Variants in MACF1 observed in about 807,000 individuals in gnomAD.
The protein encoded by MACF1 is microtubule-actin cross-linking factor 1.
A neutral mutation model predicts 854.8 loss-of-function variants in MACF1; 193 were observed. The ratio of observed to expected loss-of-function variants is 0.23; its 90% CI spans 0.20 to 0.25. MACF1 has a LOEUF of 0.25. Ranked by LOEUF, MACF1 falls within the 10% of genes least tolerant of loss-of-function variation. The pLI, the probability that MACF1 is intolerant of heterozygous loss-of-function variation, is 1.00. For missense variants in MACF1, 7,722 were observed against 8,929.1 expected (o/e 0.86, Z 5.45); for synonymous variants, 3,185 against 3,226.7 (o/e 0.99, Z 0.44).
rs202118871 is a variant in MACF1, at chr1:39,322,928, C to T, written c.4156C>T (p.Arg1386Cys). Reference protein sequence around the residue: ...ITQEFMDLRTRYTALVTLTTQ... With the variant: ...ITQEFMDLRTCYTALVTLTTQ... ...ACCACAGTTCATGGACTTAAGGACT[C>T]GCTACACGGCATTGGTGACTTTAAC... is the stretch of plus-strand genomic sequence containing the variant. The change falls in exon 33 of 101, where the codon CGC (arginine) becomes TGC (cysteine). Residue 1386 changes from arginine to cysteine, a missense_variant. Arg to Cys is a radical substitution (Grantham distance 180). Transcript: ENST00000564288. The T allele has an allele frequency of 8.1e-6, 13 of 1,613,896 alleles. No homozygotes were observed. Among genetic ancestry groups the T allele is most frequent in the Middle Eastern group, 1.6e-4 (1 of 6,084 alleles).
chr1:39,360,312 T>A (rs1247015560), intron 47 of MACF1, among the ~76,000 whole-genome samples: 1 of 151,732 alleles, frequency 6.6e-6, no homozygotes, highest in Admixed American at 6.6e-5. Context: ...AAGATTTGAT[T>A]TTTATCATTA....
chr1:39,382,647 T>C (rs2148559187), intron 56 of MACF1, among the ~76,000 whole-genome samples: 1 of 150,456 alleles, frequency 6.6e-6, no homozygotes, highest in East Asian at 2.1e-4. Context: ...GAGGTTGCAG[T>C]GTCCTGTCCG....
intron 1 of MACF1, among the ~76,000 whole-genome samples, chr1:39,226,961 T>C (rs1571196160): frequency 6.6e-6 from 1 of 152,226 alleles, no homozygotes; most frequent in African/African-American, 2.4e-5. Flanking sequence ...GGGCCTGATA[T>C]CGTGTGAAAA....
chr1:39,221,535 G>A (rs961950420), intron 1 of MACF1, among the ~76,000 whole-genome samples: 3 of 152,022 alleles, frequency 2.0e-5, no homozygotes, highest in Non-Finnish European at 2.9e-5. Flanking sequence ...TCACCAAATC[G>A]GTAACCTCTT....
intron 2 of MACF1, among the ~76,000 whole-genome samples, chr1:39,109,534 C>G (rs1642338840): frequency 6.6e-6 from 1 of 152,098 alleles, no homozygotes; most frequent in African/African-American, 2.4e-5. Flanking sequence ...CTCAGCCTCC[C>G]AAAGTGCTGG....
At chr1:39,437,691 G>T (rs1644011566) in intron 70 of MACF1, 86 bp from the exon 71 acceptor site, 2 of 1,037,462 alleles carry the variant, frequency 1.9e-6, no homozygotes, top group Non-Finnish European at 1.5e-6. Context: ...ACAGTAGTAG[G>T]ATAATATCTT....
chr1:39,120,870 G>A (rs1025382312), intron 2 of MACF1: 3 of 152,188 alleles, frequency 2.0e-5, no homozygotes, highest in Non-Finnish European at 4.4e-5. Flanking sequence ...AAAATGTATA[G>A]TTAAGTTATT....
chr1:39,293,117 C>T (rs1645829850), intron 17 of MACF1, among the ~76,000 whole-genome samples: 1 of 152,192 alleles, frequency 6.6e-6, no homozygotes, highest in Non-Finnish European at 1.5e-5. Context: ...TGCTTTGAGA[C>T]ACCAAAACTA....
At chr1:39,292,148 T>A in intron 16 of MACF1, 110 bp downstream of exon 16, 2 of 1,284,144 alleles carry the variant, frequency 1.6e-6, no homozygotes, top group Non-Finnish European at 2.1e-6. Context: ...TGGAAAAGAA[T>A]AATGATGATG....
intron 1 of MACF1, among the ~76,000 whole-genome samples, chr1:39,213,262 T>C (rs1644537313): frequency 6.6e-6 from 1 of 152,252 alleles, no homozygotes; most frequent in East Asian, 1.9e-4. Context: ...GCTTAGGTTA[T>C]TGAGTACCTT....
chr1:39,368,456 C>T, intron 50 of MACF1, 142 bp downstream of exon 50: 1 of 793,020 alleles, frequency 1.3e-6, no homozygotes, highest in Non-Finnish European at 1.9e-6. Context: ...GTGAAAAGTG[C>T]CTTTTTTTAG....
At chr1:39,085,710 C>T (rs572837167) in intron 2 of MACF1, among the ~76,000 whole-genome samples, 272 of 152,236 alleles carry the variant, frequency 1.8e-3, no homozygotes, top group Middle Eastern at 0.01. Context: ...TTCTATTACT[C>T]GGCTGCTTAA....
At chr1:39,463,385 G>A (rs1644596101) in intron 93 of MACF1, among the ~76,000 whole-genome samples, 1 of 151,734 alleles carries the variant, frequency 6.6e-6, no homozygotes, top group Non-Finnish European at 1.5e-5. Context: ...AGCCACTTGG[G>A]GGGCTGAGGT....
intron 88 of MACF1, 142 bp downstream of exon 88, chr1:39,453,992 CTG>C (rs1644387052): frequency 9.4e-7 from 1 of 1,068,850 alleles, no homozygotes; most frequent in African/African-American, 1.6e-5. Flanking sequence ...TTAGTAAAGA[CTG>C]TTTTCTTGGT....
At chr1:39,477,010 TTAGA>T (rs1644897294) in intron 97 of MACF1, among the ~76,000 whole-genome samples, 1 of 112,998 alleles carries the variant, frequency 8.8e-6, no homozygotes, top group African/African-American at 3.2e-5. Context: ...GTTCTCCCTC[TTAGA>T]TATATATACA....
chr1:39,268,781 G>C (rs948525288), intron 6 of MACF1: 12 of 1,289,584 alleles, frequency 9.3e-6, no homozygotes, highest in Admixed American at 9.2e-5. Flanking sequence ...CTAAGAAAAG[G>C]GTTCGGTTCA....
intron 58 of MACF1, among the ~76,000 whole-genome samples, chr1:39,399,817 A>G (rs1642408363): frequency 6.6e-6 from 1 of 152,168 alleles, no homozygotes; most frequent in Non-Finnish European, 1.5e-5. Flanking sequence ...CCCTCAGTTA[A>G]TTCACTTTTG....
chr1:39,362,037 C>T (rs1311928391), intron 49 of MACF1, among the ~76,000 whole-genome samples: 1 of 152,156 alleles, frequency 6.6e-6, no homozygotes, highest in Admixed American at 6.5e-5. Flanking sequence ...TTAGTCAAAG[C>T]ACTTTCCACA....
intron 2 of MACF1, among the ~76,000 whole-genome samples, chr1:39,180,781 T>C (rs1375884963): frequency 1.3e-5 from 2 of 152,274 alleles, no homozygotes; most frequent in African/African-American, 4.8e-5. Context: ...GGGCCTTTGC[T>C]GTTCCTCTCA....
Sources: allele counts gnomAD v4.1 joint callset (sites outside exome capture counted in the v4.1 genomes callset), GRCh38; gene constraint gnomAD v4.1.1; transcripts MANE v1.5; gene names NCBI Gene and HGNC (gene_info 2026-07-23, HGNC 2026-07-21).